The following CNTNAP2 variants were observed in gnomAD, a reference collection of about 807,000 sequenced individuals.
CNTNAP2 encodes the protein contactin associated protein 2.
CNTNAP2 carries 98 observed loss-of-function variants against 155.2 expected under a neutral mutation model. The ratio of observed to expected loss-of-function variants is 0.63; its 90% CI spans 0.54 to 0.75. The LOEUF (loss-of-function observed/expected upper bound fraction) is 0.75, where lower values mean the gene tolerates loss of function less well. Ranked by LOEUF, CNTNAP2 falls within the 30% of genes least tolerant of loss-of-function variation. The probability of loss-of-function intolerance (pLI) is 0.00; values close to 1 mark genes in which losing one functional copy is unlikely to be tolerated. For synonymous variants in CNTNAP2, 651 were observed against 631.2 expected, an observed-to-expected ratio of 1.03 and a Z score of -0.47; for missense variants, 1,727 against 1,688.1, an observed-to-expected ratio of 1.02 and a Z score of -0.40.
intron 1 of CNTNAP2, among the ~76,000 whole-genome samples, chr7:146,585,865 G>C (rs188163987): frequency 2.5e-3 from 375 of 151,946 alleles, no homozygotes; most frequent in Non-Finnish European, 4.1e-3. Flanking sequence ...AAAGAATTGG[G>C]GTGGTCGTGT....
chr7:148,375,755 G>A (rs1308408800), intron 21 of CNTNAP2, among the ~76,000 whole-genome samples: 1 of 151,612 alleles, frequency 6.6e-6, no homozygotes, highest in African/African-American at 2.4e-5. Context: ...AACACTTTGG[G>A]AGGCCGAGGC....
chr7:147,540,975 A>G (rs909594365), intron 11 of CNTNAP2, among the ~76,000 whole-genome samples: 2 of 152,254 alleles, frequency 1.3e-5, no homozygotes, highest in Admixed American at 1.3e-4. Context: ...TTAATGTAAT[A>G]TGATGAAGGA....
chr7:146,116,984 G>C lies in CNTNAP2; in HGVS notation c.97+11G>C. The C allele has an allele frequency of 1.9e-6, 3 of 1,548,732 alleles. No individual in the cohort carries two copies. Among genetic ancestry groups the C allele is most frequent in the South Asian group, 2.4e-5 (2 of 84,024 alleles). On this transcript the variant is annotated intron_variant, in intron 1 of 23. Transcript: ENST00000361727. The surrounding 1 kb of genome is among the most constrained non-coding windows in gnomAD (Gnocchi z 5.5). ...CTCCCTCCACGTCCCGTAAGTAGCC[G>C]TCTCCTCGCTCTGCTCTGGAGCAGT... is the stretch of plus-strand genomic sequence containing the variant.
intron 1 of CNTNAP2, among the ~76,000 whole-genome samples, chr7:146,153,271 G>A (rs1184359039): frequency 5.9e-5 from 9 of 152,076 alleles, no homozygotes; most frequent in Admixed American, 5.2e-4. Flanking sequence ...TAATTATCGA[G>A]TACAGTTACA....
intron 3 of CNTNAP2, among the ~76,000 whole-genome samples, chr7:146,908,163 G>A (rs867736880): frequency 1.3e-5 from 2 of 152,200 alleles, no homozygotes; most frequent in African/African-American, 4.8e-5. Flanking sequence ...AGTCCTGAGT[G>A]ACCTACAAAG....
At chr7:148,329,155 G>A (rs967530658) in intron 21 of CNTNAP2, among the ~76,000 whole-genome samples, 5 of 152,114 alleles carry the variant, frequency 3.3e-5, no homozygotes, top group Admixed American at 3.3e-4. Context: ...CACAGATTCT[G>A]TCTGACCTTG....
At chr7:147,266,855 C>G (rs936283479) in intron 8 of CNTNAP2, among the ~76,000 whole-genome samples, 1 of 151,990 alleles carries the variant, frequency 6.6e-6, no homozygotes, top group African/African-American at 2.4e-5. Flanking sequence ...TTTTGTGTTC[C>G]CATTTTAAGT....
At chr7:147,449,330 G>A (rs375557654) in intron 10 of CNTNAP2, among the ~76,000 whole-genome samples, 8 of 152,120 alleles carry the variant, frequency 5.3e-5, no homozygotes, top group East Asian at 3.9e-4. Context: ...TGATTCCTCA[G>A]AATGGCTACA....
intron 15 of CNTNAP2, among the ~76,000 whole-genome samples, chr7:148,064,640 A>C (rs186695802): frequency 1.6e-3 from 250 of 151,646 alleles, no homozygotes; most frequent in African/African-American, 5.8e-3. Context: ...CAAGCTAAGA[A>C]TCAGATCAAG....
At chr7:146,491,587 C>T (rs748975982) in intron 1 of CNTNAP2, among the ~76,000 whole-genome samples, 21 of 152,040 alleles carry the variant, frequency 1.4e-4, no homozygotes, top group East Asian at 7.7e-4. Context: ...AGGATGCACA[C>T]GAAAGGCTTT....
intron 1 of CNTNAP2, among the ~76,000 whole-genome samples, chr7:146,561,493 T>A (rs1028373136): frequency 3.3e-5 from 5 of 151,980 alleles, no homozygotes; most frequent in African/African-American, 1.2e-4. Context: ...TGTCTCTCCA[T>A]TTTTTAGAAA....
chr7:147,433,100 G>A (rs774407729), intron 10 of CNTNAP2, among the ~76,000 whole-genome samples: 2 of 152,224 alleles, frequency 1.3e-5, no homozygotes, highest in South Asian at 4.1e-4. Flanking sequence ...AATCAGCATT[G>A]CACTAAAAAA....
chr7:148,174,442 T>C (rs962252408), intron 18 of CNTNAP2, among the ~76,000 whole-genome samples: 4 of 151,894 alleles, frequency 2.6e-5, no homozygotes, highest in African/African-American at 9.7e-5. Flanking sequence ...AGGCTGGTGC[T>C]TCAGCCAAAC....
chr7:148,127,835 C>T (rs1242143784), intron 16 of CNTNAP2, among the ~76,000 whole-genome samples: 3 of 152,096 alleles, frequency 2.0e-5, no homozygotes, highest in Non-Finnish European at 4.4e-5. Context: ...TTTATTAGTA[C>T]AAATCAGGTG....
chr7:147,855,423 T>A (rs1799019119), intron 13 of CNTNAP2, among the ~76,000 whole-genome samples: 1 of 152,168 alleles, frequency 6.6e-6, no homozygotes, highest in Non-Finnish European at 1.5e-5. Context: ...CTTACCTGGA[T>A]GCTTCTTCTC....
At chr7:147,540,140 G>A (rs775209453) in intron 11 of CNTNAP2, among the ~76,000 whole-genome samples, 1 of 152,106 alleles carries the variant, frequency 6.6e-6, no homozygotes, top group Non-Finnish European at 1.5e-5. Context: ...TTCAGTTAAA[G>A]CATCAGTTCT....
rs1399279563 is a variant in CNTNAP2, at chr7:148,108,552, C to T, written c.2384-9566C>T. On this transcript the variant is annotated intron_variant, in intron 15 of 23. Transcript: ENST00000361727. Reference sequence around the variant, plus strand: ...GTCAATCCTGGGGTTTGCTGCTCCCCGTGGTTGGAACTGGAGGACATAATG... The same window carrying T: ...GTCAATCCTGGGGTTTGCTGCTCCCTGTGGTTGGAACTGGAGGACATAATG... Among the ~76,000 whole-genome samples the T allele has an allele frequency of 5.3e-5, 8 of 152,044 alleles. No homozygotes were observed. In the East Asian group the frequency reaches 1.2e-3, roughly 22 times the overall value.
intron 3 of CNTNAP2, among the ~76,000 whole-genome samples, chr7:147,040,132 G>T (rs2129253722): frequency 6.6e-6 from 1 of 152,244 alleles, no homozygotes; most frequent in African/African-American, 2.4e-5. Context: ...CTGCTAAAAA[G>T]TGGGAAAAGG....
At chr7:148,137,056 G>T (rs1804968560) in intron 16 of CNTNAP2, among the ~76,000 whole-genome samples, 1 of 152,140 alleles carries the variant, frequency 6.6e-6, no homozygotes, top group African/African-American at 2.4e-5. Flanking sequence ...GCTGTGAAGT[G>T]ATTTCTGTCA....
Sources: gnomAD v4.1 joint callset for allele counts (sites outside exome capture counted in the v4.1 genomes callset) on GRCh38, gnomAD v4.1.1 for gene constraint, Gnocchi (gnomAD v3.1) non-coding constraint, MANE v1.5 for transcripts, NCBI Gene and HGNC (gene_info 2026-07-23, HGNC 2026-07-21) for gene names.